The following ASXL2 variants were observed in gnomAD, a reference collection of about 807,000 sequenced individuals.
ASXL2 encodes ASXL transcriptional regulator 2.
In ASXL2, 23 loss-of-function variants were observed where a neutral mutation model predicts 122.0. That is an observed-to-expected ratio of 0.19 (90% CI 0.14 to 0.27). The LOEUF is 0.27. Among genes scored for constraint, ASXL2 ranks in the 10% least tolerant of loss-of-function variants. The pLI, the probability that ASXL2 is intolerant of heterozygous loss-of-function variation, is 1.00. For synonymous variants in ASXL2, 650 were observed against 637.0 expected (o/e 1.02, Z -0.31); for missense variants, 1,518 against 1,713.8 (o/e 0.89, Z 2.02).
chr2:25,861,820 A>G (rs530116836), intron 1 of ASXL2, among the ~76,000 whole-genome samples: 1 of 152,330 alleles, frequency 6.6e-6, no homozygotes, highest in East Asian at 1.9e-4. Flanking sequence ...TCATTCTATC[A>G]GGCCAGTTTT....
chr2:25,828,578 C>T (rs1299111879), intron 3 of ASXL2, among the ~76,000 whole-genome samples: 1 of 150,564 alleles, frequency 6.6e-6, no homozygotes, highest in Admixed American at 6.6e-5. Context: ...GTAATCCCAG[C>T]ACCTTGGGAG....
intron 3 of ASXL2, among the ~76,000 whole-genome samples, chr2:25,814,668 G>A (rs35430508): frequency 0.25 from 38,420 of 152,116 alleles, 5,095 homozygotes; most frequent in Non-Finnish European, 0.29. Context: ...TGTACATAAG[G>A]CCCAAAGAAC....
rs1447232308 is a variant in ASXL2, at chr2:25,741,882, A to G, written c.*147T>C. 1 of 739,180 alleles carries G rather than the reference A, an allele frequency of 1.4e-6. No individual in the cohort carries two copies. The highest frequency in any genetic ancestry group is 2.2e-6 in the Non-Finnish European group (1 of 463,794). 45.8% of individuals were successfully genotyped at this position (739,180 alleles called of 1,614,324 possible). On this transcript the variant is annotated 3_prime_UTR_variant, in exon 13 of 13. Transcript: ENST00000435504. ...TTCCTCTAAAATGTAAAAAATCTGT[A>G]CTTTGTATTCCTGATTAAGTAACAT... is the stretch of plus-strand genomic sequence containing the variant.
rs114479084 is a variant in ASXL2 at position 25,791,745 on chromosome 2, T to C, written c.403+7640A>G. Among the ~76,000 whole-genome samples, 1,292 of 152,286 alleles carry C rather than the reference T, an allele frequency of 8.5e-3. 19 individuals are homozygous for C. Among genetic ancestry groups the C allele is most frequent in the African/African-American group, 0.029 (1,208 of 41,540 alleles). ...GAAGAATAGTATCTTAGAACTTTTA[T>C]AGCTAATACTTAGTAACCCAGGCAA... On this transcript the variant is annotated intron_variant, in intron 5 of 12. Coordinates refer to ENST00000435504, the MANE Select transcript of ASXL2 (RefSeq NM_018263.6).
At chr2:25,803,699 C>A (rs536103958) in intron 4 of ASXL2, among the ~76,000 whole-genome samples, 1 of 152,180 alleles carries the variant, frequency 6.6e-6, no homozygotes, top group Non-Finnish European at 1.5e-5. Flanking sequence ...TGACCTAGAT[C>A]CCTCAAATGT....
chr2:25,838,431 T>A (rs2089538768), intron 2 of ASXL2, among the ~76,000 whole-genome samples: 1 of 152,238 alleles, frequency 6.6e-6, no homozygotes, highest in Non-Finnish European at 1.5e-5. Flanking sequence ...TCTGGTCTTC[T>A]GATCAGACCA....
intron 11 of ASXL2, among the ~76,000 whole-genome samples, chr2:25,752,753 A>G (rs1272528334): frequency 1.3e-5 from 2 of 151,936 alleles, no homozygotes; most frequent in East Asian, 3.9e-4. Flanking sequence ...AGGCTGAGGC[A>G]GAATTGCTTG....
intron 5 of ASXL2, among the ~76,000 whole-genome samples, chr2:25,792,563 T>C (rs2088851053): frequency 6.6e-6 from 1 of 152,136 alleles, no homozygotes; most frequent in Admixed American, 6.5e-5. Context: ...ACAAAAATCA[T>C]TACATAAAAG....
chr2:25,856,868 G>C (rs1574450926), intron 1 of ASXL2: 1 of 769,586 alleles, frequency 1.3e-6, no homozygotes, highest in South Asian at 1.6e-5. Flanking sequence ...AAGTGGCCCA[G>C]TCATTCTGGT....
intron 4 of ASXL2, 55 bp from the exon 5 acceptor site, chr2:25,799,590 A>T: frequency 1.3e-6 from 2 of 1,534,326 alleles, no homozygotes; most frequent in Non-Finnish European, 1.7e-6. Flanking sequence ...GCAAACAGAA[A>T]TTAAAACTTC....
At chr2:25,818,601 A>C (rs773894695) in intron 3 of ASXL2, among the ~76,000 whole-genome samples, 2 of 152,268 alleles carry the variant, frequency 1.3e-5, no homozygotes, top group Admixed American at 6.5e-5. Flanking sequence ...AAATGACTAT[A>C]GCAGAAATAA....
chr2:25,877,773 C>CA (rs1283673047), intron 1 of ASXL2, among the ~76,000 whole-genome samples: 1 of 152,224 alleles, frequency 6.6e-6, no homozygotes, highest in Non-Finnish European at 1.5e-5. Context: ...GATGCACGCA[C>CA]AAGCCTTCTC....
chr2:25,803,994 C>T (rs1407876024), intron 4 of ASXL2, among the ~76,000 whole-genome samples: 1 of 149,538 alleles, frequency 6.7e-6, no homozygotes, highest in African/African-American at 2.5e-5. Context: ...GTTTTTTTTT[C>T]CCCCCAATCT....
intron 3 of ASXL2, among the ~76,000 whole-genome samples, chr2:25,834,598 A>G (rs2089487953): frequency 6.6e-6 from 1 of 152,192 alleles, no homozygotes; most frequent in Non-Finnish European, 1.5e-5. Flanking sequence ...CAAGCATGCC[A>G]TGTCCAAGTA....
At position 25,876,763 on chromosome 2, in the gene ASXL2, T is replaced by C. The variant is rs138327960; in HGVS notation, c.57+1403A>G. On this transcript the variant is annotated intron_variant, in intron 1 of 12. Coordinates refer to ENST00000435504, the MANE Select transcript of ASXL2 (RefSeq NM_018263.6). ...GCACAGGAAGATATACAAAGACATATTGTAAGTGAAAACACCCAGTAAGTA... is the reference window on the plus strand; with the variant it reads ...GCACAGGAAGATATACAAAGACATACTGTAAGTGAAAACACCCAGTAAGTA... Among the ~76,000 whole-genome samples the C allele has an allele frequency of 1.3e-4, 20 of 152,334 alleles. 1 individual carries two copies. In the South Asian group the frequency reaches 3.5e-3, roughly 27 times the overall value.
intron 1 of ASXL2, among the ~76,000 whole-genome samples, chr2:25,864,766 A>G (rs931700964): frequency 1.3e-5 from 2 of 152,104 alleles, no homozygotes; most frequent in Admixed American, 1.3e-4. Flanking sequence ...AAATTATACT[A>G]GGTATAAATC....
intron 3 of ASXL2, among the ~76,000 whole-genome samples, chr2:25,821,156 G>A (rs1488358265): frequency 6.6e-6 from 1 of 152,056 alleles, no homozygotes; most frequent in African/African-American, 2.4e-5. Context: ...TCCAGTCTGG[G>A]CAACAAGAGC....
At chr2:25,835,054 C>A (rs954124338) in intron 3 of ASXL2, among the ~76,000 whole-genome samples, 1 of 151,928 alleles carries the variant, frequency 6.6e-6, no homozygotes, top group African/African-American at 2.4e-5. Flanking sequence ...GAACTCCTGA[C>A]CTCAAGTGAT....
chr2:25,810,252 T>A (rs981829150), intron 3 of ASXL2: 7 of 622,866 alleles, frequency 1.1e-5, no homozygotes, highest in Non-Finnish European at 2.1e-5. Flanking sequence ...GAGTTCCAAG[T>A]CTCTTTCAAT....
Sources: gnomAD v4.1 joint callset for allele counts (sites outside exome capture counted in the v4.1 genomes callset) on GRCh38, gnomAD v4.1.1 for gene constraint, MANE v1.5 for transcripts, NCBI Gene and HGNC (gene_info 2026-07-23, HGNC 2026-07-21) for gene names.